Variants in UTRN observed in about 807,000 individuals in gnomAD.
UTRN encodes the protein dystrophin-related protein 1.
Under a neutral mutation model 463.9 loss-of-function variants are expected in UTRN, and 283 were observed. The observed-to-expected ratio is 0.61, with a 90% confidence interval of 0.55 to 0.67. The LOEUF (loss-of-function observed/expected upper bound fraction) is 0.67. Among genes scored for constraint, UTRN ranks in the 30% least tolerant of loss-of-function variants. UTRN has a pLI of 0.00. For missense variants in UTRN, 3,922 were observed against 4,084.3 expected, an observed-to-expected ratio of 0.96 and a Z score of 1.08; for synonymous variants, 1,442 against 1,431.5, an observed-to-expected ratio of 1.01 and a Z score of -0.17.
intron 2 of UTRN, among the ~76,000 whole-genome samples, chr6:144,337,363 T>C (rs1776818072): frequency 6.6e-6 from 1 of 152,194 alleles, no homozygotes; most frequent in Non-Finnish European, 1.5e-5. Context: ...ATTAAGGGCT[T>C]TGGTGCGATT....
chr6:144,480,841 C>CA (rs35876803), intron 26 of UTRN, among the ~76,000 whole-genome samples: 1 of 151,164 alleles, frequency 6.6e-6, no homozygotes, highest in African/African-American at 2.4e-5. Context: ...TGATTTTTTT[C>CA]AAAAAAGGGA....
At chr6:144,704,480 C>T (rs1352342295) in intron 53 of UTRN, among the ~76,000 whole-genome samples, 1 of 152,164 alleles carries the variant, frequency 6.6e-6, no homozygotes, top group African/African-American at 2.4e-5. Flanking sequence ...GAACATGACA[C>T]AGTACAGAAA....
chr6:144,353,217 C>A (rs752313384), intron 2 of UTRN, among the ~76,000 whole-genome samples: 1 of 152,020 alleles, frequency 6.6e-6, no homozygotes, highest in Admixed American at 6.6e-5. Flanking sequence ...CAGGTTCAAG[C>A]GATTCCCTTA....
chr6:144,372,641 T>G (rs981046661), intron 2 of UTRN, among the ~76,000 whole-genome samples: 5 of 151,968 alleles, frequency 3.3e-5, no homozygotes, highest in Admixed American at 2.0e-4. Context: ...ATTACAGGCA[T>G]GCACCACCAT....
intron 16 of UTRN, among the ~76,000 whole-genome samples, 181 bp downstream of exon 16, chr6:144,447,962 AT>A (rs1787859473): frequency 6.6e-6 from 1 of 152,374 alleles, no homozygotes; most frequent in Middle Eastern, 3.4e-3. Context: ...TTATCTTAAT[AT>A]CCTATAATTT....
At chr6:144,705,217 C>A (rs1018268286) in intron 53 of UTRN, among the ~76,000 whole-genome samples, 2 of 151,946 alleles carry the variant, frequency 1.3e-5, no homozygotes, top group African/African-American at 4.8e-5. Context: ...GAGTGAGGTA[C>A]TGGTAGTAGA....
intron 51 of UTRN, among the ~76,000 whole-genome samples, chr6:144,663,622 A>G (rs1359400350): frequency 6.6e-6 from 1 of 152,158 alleles, no homozygotes; most frequent in Non-Finnish European, 1.5e-5. Flanking sequence ...TGAATGGTTA[A>G]TGATAATCGT....
intron 62 of UTRN, among the ~76,000 whole-genome samples, chr6:144,791,944 AT>A (rs1776795445): frequency 6.6e-6 from 1 of 152,172 alleles, no homozygotes; most frequent in African/African-American, 2.4e-5. Flanking sequence ...ATCAACTTTT[AT>A]TTACTTAACA....
At chr6:144,529,742 G>A (rs961235518) in intron 41 of UTRN, among the ~76,000 whole-genome samples, 5 of 152,082 alleles carry the variant, frequency 3.3e-5, no homozygotes, top group South Asian at 2.1e-4. Flanking sequence ...GGAGAAAGAC[G>A]ATATACACAT....
intron 66 of UTRN, among the ~76,000 whole-genome samples, chr6:144,825,665 T>TA (rs1780110494): frequency 6.6e-6 from 1 of 152,046 alleles, no homozygotes; most frequent in South Asian, 2.1e-4. Flanking sequence ...ACAAAAAAAA[T>TA]ACACACTTTT....
At chr6:144,493,892 A>G (rs1396502881) in intron 33 of UTRN, among the ~76,000 whole-genome samples, 5 of 152,188 alleles carry the variant, frequency 3.3e-5, no homozygotes, top group Non-Finnish European at 1.5e-5. Flanking sequence ...AGTCCTAGCT[A>G]CCTGGGAGGC....
chr6:144,509,227 C>T (rs1794967006), intron 34 of UTRN, among the ~76,000 whole-genome samples: 1 of 151,906 alleles, frequency 6.6e-6, no homozygotes, highest in African/African-American at 2.4e-5. Context: ...TGATTTTTTT[C>T]TTTATAAACA....
At chr6:144,476,299 T>C (rs994526997) in intron 25 of UTRN, among the ~76,000 whole-genome samples, 6 of 151,540 alleles carry the variant, frequency 4.0e-5, no homozygotes, top group African/African-American at 1.5e-4. Context: ...AAGGCAGGAA[T>C]GAAAACAGAA....
At chr6:144,522,261 A>T in intron 40 of UTRN, 90 bp downstream of exon 40, 1 of 1,048,646 alleles carries the variant, frequency 9.5e-7, no homozygotes, top group Non-Finnish European at 1.3e-6. Flanking sequence ...GATGGTCTAT[A>T]TCTTTTACAA....
At position 144,738,869 on chromosome 6, in the gene UTRN, A is replaced by T. The variant is rs555694949; in HGVS notation, c.7939+8383A>T. Among the ~76,000 whole-genome samples, 4 of 152,334 alleles carry T rather than the reference A, an allele frequency of 2.6e-5. No homozygotes were observed. In the South Asian group the frequency reaches 8.3e-4, roughly 32 times the overall value. ...CAGCCTGGAGCAGTCAATTTTGCTT[A>T]ATTTAAATATTTTATTAATAATCAT... On this transcript the variant is annotated intron_variant, in intron 54 of 74. Transcript: ENST00000367545.
At chr6:144,840,889 T>C in intron 73 of UTRN, 57 bp downstream of exon 73, 1 of 1,583,818 alleles carries the variant, frequency 6.3e-7, no homozygotes, top group East Asian at 2.2e-5. Flanking sequence ...TTTCTCTTTT[T>C]CTGCATGCGG....
At chr6:144,608,694 G>C (rs914969784) in intron 51 of UTRN, among the ~76,000 whole-genome samples, 4 of 152,126 alleles carry the variant, frequency 2.6e-5, no homozygotes, top group African/African-American at 7.2e-5. Context: ...TTGTGGGAGG[G>C]AGATATGTGA....
In UTRN at chr6:144,786,432, C is replaced by T. The variant is rs147899680; in HGVS notation, c.8835-2762C>T. On this transcript the variant is annotated intron_variant, in intron 61 of 74. Transcript: ENST00000367545. ...TCCCGAGTAGCTGGGATTACAGGCA[C>T]GCGCCACCACGCCCAGCTAATTTTT... Among the ~76,000 whole-genome samples the T allele has an allele frequency of 3.1e-3, 466 of 152,152 alleles. 5 individuals carry two copies. Among genetic ancestry groups the T allele is most frequent in the East Asian group, 0.024 (124 of 5,170 alleles).
chr6:144,670,674 A>G (rs556998508), intron 51 of UTRN, among the ~76,000 whole-genome samples: 76 of 151,922 alleles, frequency 5.0e-4, no homozygotes, highest in African/African-American at 1.8e-3. Flanking sequence ...TTTTTGTTGC[A>G]TTTGCTTTTG....
Sources: allele counts gnomAD v4.1 joint callset (sites outside exome capture counted in the v4.1 genomes callset), GRCh38; gene constraint gnomAD v4.1.1; transcripts MANE v1.5; gene names NCBI Gene and HGNC (gene_info 2026-07-23, HGNC 2026-07-21).